The following ARHGAP26 variants were observed in gnomAD, a reference collection of about 807,000 sequenced individuals.
The protein encoded by ARHGAP26 is Rho GTPase activating protein 26.
Under a neutral mutation model 104.8 loss-of-function variants are expected in ARHGAP26, and 38 were observed. That is an observed-to-expected ratio of 0.36 (90% CI 0.28 to 0.48). The LOEUF (loss-of-function observed/expected upper bound fraction) is 0.48, where lower values mean the gene tolerates loss of function less well. ARHGAP26 is among the 20% of genes least tolerant of loss of function. The pLI is 0.99. For synonymous variants in ARHGAP26, 341 were observed against 340.0 expected, an observed-to-expected ratio of 1.00 and a Z score of -0.03; for missense variants, 704 against 947.9, an observed-to-expected ratio of 0.74 and a Z score of 3.38.
chr5:143,199,789 CT>C (rs1320853568), intron 20 of ARHGAP26, among the ~76,000 whole-genome samples: 5 of 152,224 alleles, frequency 3.3e-5, no homozygotes, highest in African/African-American at 4.8e-5. Flanking sequence ...TCTCCAAAGT[CT>C]GACACTGTGG....
intron 20 of ARHGAP26, among the ~76,000 whole-genome samples, chr5:143,204,526 A>T (rs569004014): frequency 6.6e-6 from 1 of 152,356 alleles, no homozygotes; most frequent in East Asian, 1.9e-4. Context: ...CTCCGTCTCC[A>T]GAAGAAAAAA....
chr5:143,169,276 G>A (rs763856442), intron 20 of ARHGAP26, among the ~76,000 whole-genome samples: 2 of 152,220 alleles, frequency 1.3e-5, no homozygotes, highest in Non-Finnish European at 2.9e-5. Context: ...TTGGTTGCAA[G>A]TAACAGAAAA....
At chr5:143,100,789 A>C (rs997601511) in intron 17 of ARHGAP26, among the ~76,000 whole-genome samples, 1 of 151,996 alleles carries the variant, frequency 6.6e-6, no homozygotes, top group Admixed American at 6.6e-5. Flanking sequence ...ATGTATCTCC[A>C]TTTTCTGGAC....
At chr5:142,896,294 A>T (rs1759471952) in intron 6 of ARHGAP26, among the ~76,000 whole-genome samples, 1 of 152,212 alleles carries the variant, frequency 6.6e-6, no homozygotes, top group Non-Finnish European at 1.5e-5. Flanking sequence ...ACTTCGATTA[A>T]TATTATTCCA....
At chr5:143,038,769 C>T (rs1049641733) in intron 13 of ARHGAP26, among the ~76,000 whole-genome samples, 2 of 131,220 alleles carry the variant, frequency 1.5e-5, no homozygotes, top group Non-Finnish European at 3.1e-5. Context: ...AGTCTCGGTT[C>T]ACTGCAAACT....
intron 14 of ARHGAP26, among the ~76,000 whole-genome samples, chr5:143,046,346 T>C (rs1784236139): frequency 6.6e-6 from 1 of 152,232 alleles, no homozygotes; most frequent in Non-Finnish European, 1.5e-5. Flanking sequence ...AGACTTTTTT[T>C]GAATTACTTC....
intron 4 of ARHGAP26, among the ~76,000 whole-genome samples, chr5:142,881,417 G>C (rs560546457): frequency 6.6e-6 from 1 of 152,148 alleles, no homozygotes; most frequent in Non-Finnish European, 1.5e-5. Context: ...ACTGTCCCCC[G>C]GGGCGGCGGC....
chr5:142,969,019 C>A (rs899042885), intron 11 of ARHGAP26, among the ~76,000 whole-genome samples: 1 of 152,232 alleles, frequency 6.6e-6, no homozygotes, highest in Non-Finnish European at 1.5e-5. Context: ...GTAGCCTTGA[C>A]CTCCCAGGCT....
intron 6 of ARHGAP26, among the ~76,000 whole-genome samples, chr5:142,895,620 C>A (rs1195928303): frequency 6.6e-6 from 1 of 152,094 alleles, no homozygotes; most frequent in East Asian, 1.9e-4. Context: ...CATTGTGTAC[C>A]CCATGTCTAA....
intron 22 of ARHGAP26, 67 bp from the exon 23 acceptor site, chr5:143,222,291 C>A: frequency 8.7e-7 from 1 of 1,150,402 alleles, no homozygotes; most frequent in Non-Finnish European, 1.2e-6. Flanking sequence ...ACACCCCACA[C>A]ACACATCTGC....
At chr5:143,113,105 A>T (rs1436861836) in intron 17 of ARHGAP26, among the ~76,000 whole-genome samples, 2 of 152,190 alleles carry the variant, frequency 1.3e-5, no homozygotes, top group African/African-American at 4.8e-5. Context: ...TAAATAGGGA[A>T]TGGAGTTGAA....
At chr5:143,173,395 C>T (rs1305374628) in intron 20 of ARHGAP26, among the ~76,000 whole-genome samples, 1 of 152,074 alleles carries the variant, frequency 6.6e-6, no homozygotes, top group Non-Finnish European at 1.5e-5. Flanking sequence ...GCCACGAGGG[C>T]CTAGAGGGAG....
chr5:142,929,758 T>C (rs1316355230), intron 10 of ARHGAP26, among the ~76,000 whole-genome samples: 1 of 152,140 alleles, frequency 6.6e-6, no homozygotes, highest in Non-Finnish European at 1.5e-5. Context: ...CTGTGTGCCA[T>C]GAAGTTGATG....
chr5:142,891,342 A>G (rs1758633376), intron 5 of ARHGAP26, among the ~76,000 whole-genome samples: 1 of 151,876 alleles, frequency 6.6e-6, no homozygotes, highest in South Asian at 2.1e-4. Flanking sequence ...AGCCTTTCAG[A>G]TTGGTTTGAT....
At chr5:142,990,271 C>T (rs1365407279) in intron 11 of ARHGAP26, among the ~76,000 whole-genome samples, 1 of 152,214 alleles carries the variant, frequency 6.6e-6, no homozygotes, top group Non-Finnish European at 1.5e-5. Flanking sequence ...GTGATTGCGT[C>T]ATGTAGTTCT....
At chr5:143,145,430 G>C (rs1264449187) in intron 19 of ARHGAP26, among the ~76,000 whole-genome samples, 1 of 152,090 alleles carries the variant, frequency 6.6e-6, no homozygotes, top group Admixed American at 6.6e-5. Flanking sequence ...TTATATGGTA[G>C]CCTCCAGTTC....
At chr5:143,004,818 C>T (rs1005455409) in intron 11 of ARHGAP26, among the ~76,000 whole-genome samples, 20 of 152,062 alleles carry the variant, frequency 1.3e-4, no homozygotes, top group African/African-American at 3.6e-4. Flanking sequence ...CCAACAAGAA[C>T]CAGGATATAG....
intron 5 of ARHGAP26, among the ~76,000 whole-genome samples, chr5:142,893,517 A>G (rs745643999): frequency 7.9e-5 from 12 of 152,132 alleles, no homozygotes; most frequent in Admixed American, 2.0e-4. Flanking sequence ...ACTTAGGTTC[A>G]CTTCATATCT....
At chr5:143,142,811 C>G (rs1798721375) in intron 19 of ARHGAP26, among the ~76,000 whole-genome samples, 1 of 152,204 alleles carries the variant, frequency 6.6e-6, no homozygotes, top group Non-Finnish European at 1.5e-5. Context: ...CTATTATCAT[C>G]CCATCTTGTC....
Sources: gnomAD v4.1 joint callset for allele counts (sites outside exome capture counted in the v4.1 genomes callset) on GRCh38, gnomAD v4.1.1 for gene constraint, MANE v1.5 for transcripts, NCBI Gene and HGNC (gene_info 2026-07-23, HGNC 2026-07-21) for gene names.